Variants in RIMS1 observed in about 807,000 individuals in gnomAD.
RIMS1 encodes regulating synaptic membrane exocytosis 1.
In RIMS1, 83 loss-of-function variants were observed where a neutral mutation model predicts 214.1. The ratio of observed to expected loss-of-function variants is 0.39; its 90% CI spans 0.32 to 0.47. RIMS1 has a LOEUF of 0.47. RIMS1 is among the 20% of genes least tolerant of loss of function. The pLI, the probability that RIMS1 is intolerant of heterozygous loss-of-function variation, is 0.99. For synonymous variants in RIMS1, 793 were observed against 786.8 expected, an observed-to-expected ratio of 1.01 and a Z score of -0.13; for missense variants, 2,050 against 2,161.8, an observed-to-expected ratio of 0.95 and a Z score of 1.03.
chr6:72,270,835 C>T (rs548402503), intron 22 of RIMS1, among the ~76,000 whole-genome samples: 35 of 152,324 alleles, frequency 2.3e-4, no homozygotes, highest in African/African-American at 8.2e-4. Context: ...GCCACTCTTT[C>T]TTCCTTGGGG....
intron 2 of RIMS1, among the ~76,000 whole-genome samples, chr6:72,035,983 G>A (rs1046882063): frequency 1.1e-4 from 17 of 152,140 alleles, no homozygotes; most frequent in Admixed American, 9.8e-4. Flanking sequence ...AAAGAAGTAG[G>A]TAGCTGTTGT....
rs2154464850 is a variant in RIMS1 at position 72,402,408 on chromosome 6, T to G, written c.*1694T>G. 1 of 152,802 alleles carries G rather than the reference T, an allele frequency of 6.5e-6. No homozygotes were observed. The allele number at this position is 152,802 out of a possible 1,614,324, so 9.5% of individuals were successfully genotyped here. A position where few individuals can be genotyped will look rare whatever the true frequency, so the allele number is the denominator to read the frequency against. ...ATTTTTTACCCTCCGGAAAACGTGATGTAGTACGGACCAAATTCCTTCTAA... is the reference window on the plus strand; with the variant it reads ...ATTTTTTACCCTCCGGAAAACGTGAGGTAGTACGGACCAAATTCCTTCTAA... On this transcript the variant is annotated 3_prime_UTR_variant, in exon 34 of 34. Coordinates refer to ENST00000521978, the MANE Select transcript of RIMS1 (RefSeq NM_014989.7).
At chr6:71,992,314 G>A (rs181598456) in intron 2 of RIMS1, among the ~76,000 whole-genome samples, 1 of 152,246 alleles carries the variant, frequency 6.6e-6, no homozygotes, top group Non-Finnish European at 1.5e-5. Flanking sequence ...CACCAGGAAT[G>A]TTATGCATGA....
At chr6:72,114,481 A>T (rs1455697885) in intron 4 of RIMS1, among the ~76,000 whole-genome samples, 1 of 152,050 alleles carries the variant, frequency 6.6e-6, no homozygotes, top group African/African-American at 2.4e-5. Context: ...TTATGTCAAG[A>T]TAAATTATTG....
chr6:72,050,731 C>T (rs1313957889), intron 2 of RIMS1, among the ~76,000 whole-genome samples: 1 of 152,130 alleles, frequency 6.6e-6, no homozygotes, highest in Admixed American at 6.5e-5. Context: ...CACTGATGAG[C>T]CCTTTGTGGG....
intron 2 of RIMS1, among the ~76,000 whole-genome samples, chr6:72,049,274 A>C (rs1421492709): frequency 6.6e-6 from 1 of 151,406 alleles, no homozygotes; most frequent in Non-Finnish European, 1.5e-5. Flanking sequence ...TTTTTTCCTT[A>C]TGTGTTCACT....
chr6:72,316,255 T>G (rs888890842), intron 28 of RIMS1, among the ~76,000 whole-genome samples: 21 of 151,886 alleles, frequency 1.4e-4, no homozygotes, highest in African/African-American at 4.4e-4. Context: ...AGGCTCTCCC[T>G]CCCCCAGCTT....
chr6:72,008,164 A>G (rs1162702859), intron 2 of RIMS1, among the ~76,000 whole-genome samples: 3 of 152,232 alleles, frequency 2.0e-5, no homozygotes, highest in Non-Finnish European at 4.4e-5. Flanking sequence ...GTGGGGACCA[A>G]TATTCAACAT....
chr6:72,188,854 A>T (rs1270712359), intron 6 of RIMS1, among the ~76,000 whole-genome samples: 1 of 152,202 alleles, frequency 6.6e-6, no homozygotes, highest in Non-Finnish European at 1.5e-5. Context: ...TCCATTATGG[A>T]GTAGTAGACT....
intron 4 of RIMS1, among the ~76,000 whole-genome samples, chr6:72,116,743 G>A (rs528486988): frequency 6.6e-6 from 1 of 152,038 alleles, no homozygotes; most frequent in South Asian, 2.1e-4. Flanking sequence ...TATGGAAACT[G>A]AAATTTTATG....
At chr6:72,166,101 G>A (rs1324154824) in intron 4 of RIMS1, among the ~76,000 whole-genome samples, 1 of 152,186 alleles carries the variant, frequency 6.6e-6, no homozygotes, top group Non-Finnish European at 1.5e-5. Context: ...GTTAGTTTCT[G>A]TTGAAAGCTC....
chr6:72,161,280 C>T (rs2045363201), intron 4 of RIMS1, among the ~76,000 whole-genome samples: 2 of 139,500 alleles, frequency 1.4e-5, no homozygotes, highest in Admixed American at 1.5e-4. Flanking sequence ...TCTCTCTTTT[C>T]TTCTTTAGTA....
chr6:72,203,208 C>T (rs889885289), intron 6 of RIMS1, among the ~76,000 whole-genome samples: 13 of 152,018 alleles, frequency 8.6e-5, no homozygotes, highest in Admixed American at 2.6e-4. Flanking sequence ...AGGATGGTCT[C>T]GATCTCCTGA....
intron 26 of RIMS1, among the ~76,000 whole-genome samples, chr6:72,306,032 C>T (rs1038596629): frequency 6.6e-6 from 1 of 151,642 alleles, no homozygotes; most frequent in Non-Finnish European, 1.5e-5. Context: ...TGTGTGTTGG[C>T]GTTTTATAAT....
chr6:71,996,955 T>C (rs1359771173), intron 2 of RIMS1, among the ~76,000 whole-genome samples: 1 of 152,232 alleles, frequency 6.6e-6, no homozygotes, highest in Non-Finnish European at 1.5e-5. Context: ...ATGTAGTAAC[T>C]GCTCTATAAT....
chr6:72,324,804 C>T (rs894902393), intron 28 of RIMS1, among the ~76,000 whole-genome samples: 3 of 151,674 alleles, frequency 2.0e-5, no homozygotes, highest in Non-Finnish European at 2.9e-5. Context: ...CCTAATATAT[C>T]GTCTATGGCT....
intron 6 of RIMS1, among the ~76,000 whole-genome samples, chr6:72,196,580 CTTTTTTT>C (rs61651151): frequency 0.013 from 753 of 57,234 alleles, 53 homozygotes; most frequent in Admixed American, 0.072. Context: ...GCCAGCTGCA[CTTTTTTT>C]TTTTTTTTTT....
intron 13 of RIMS1, 96 bp from the exon 14 acceptor site, chr6:72,250,825 A>T: frequency 1.5e-6 from 1 of 665,380 alleles, no homozygotes; most frequent in Non-Finnish European, 2.5e-6. Flanking sequence ...GTTATTAGTT[A>T]AAATAATATA....
At chr6:71,934,424 T>C (rs2150943208) in intron 1 of RIMS1, among the ~76,000 whole-genome samples, 1 of 152,312 alleles carries the variant, frequency 6.6e-6, no homozygotes, top group Non-Finnish European at 1.5e-5. Context: ...TCAGTCACCC[T>C]CCCTAGCTGT....
Sources: gnomAD v4.1 joint callset for allele counts (sites outside exome capture counted in the v4.1 genomes callset) on GRCh38, gnomAD v4.1.1 for gene constraint, MANE v1.5 for transcripts, NCBI Gene and HGNC (gene_info 2026-07-23, HGNC 2026-07-21) for gene names.